ERICH5: variants seen among roughly 807,000 people sequenced by gnomAD.
The protein encoded by ERICH5 is glutamate rich 5.
A neutral mutation model predicts 28.0 loss-of-function variants in ERICH5; 24 were observed. The ratio of observed to expected loss-of-function variants is 0.86; its 90% CI spans 0.62 to 1.21. The LOEUF (loss-of-function observed/expected upper bound fraction) is 1.21. Among genes scored for constraint, ERICH5 ranks in the 50% most tolerant of loss-of-function variants. ERICH5 has a pLI of 0.00. For missense variants in ERICH5, 421 were observed against 441.2 expected (o/e 0.95, Z 0.41); for synonymous variants, 163 against 157.6 (o/e 1.03, Z -0.25).
At chr8:98,092,963 A>G (rs1815433118) in intron 2 of ERICH5, among the ~76,000 whole-genome samples, 1 of 151,774 alleles carries the variant, frequency 6.6e-6, no homozygotes, top group African/African-American at 2.4e-5. Context: ...TTTAGTAGAG[A>G]CGGGGTTTCA....
At position 98,089,978 on chromosome 8, in the gene ERICH5, G is replaced by A; in HGVS notation, c.961G>A (p.Val321Met). The A allele has an allele frequency of 6.2e-7, 1 of 1,614,070 alleles. No homozygotes were observed. The highest frequency in any genetic ancestry group is 1.3e-5 in the African/African-American group (1 of 75,066). The part of the protein sequence containing the change: ...PARNVEAGAY[V>M]EMIRNIHTNE... ...ACGAAATGTAGAGGCAGGAGCATAT[G>A]TGGAAATGATCAGGAACATCCATAC... The change falls in exon 2 of 3, where the codon GTG becomes ATG. Residue 321 changes from valine to methionine, a missense_variant. Physicochemically the swap from Val to Met is conservative, Grantham distance 21. Transcript: ENST00000318528.
chr8:98,088,938 C>T (rs1231208921), intron 1 of ERICH5, 138 bp from the exon 2 acceptor site: 3 of 647,090 alleles, frequency 4.6e-6, no homozygotes, highest in African/African-American at 1.8e-5. Flanking sequence ...ATGGTATGGC[C>T]TTTCTGTACT....
chr8:98,079,166 CTTTTTTTTTTTTTTT>C (rs528062932), intron 1 of ERICH5, among the ~76,000 whole-genome samples: 129 of 75,590 alleles, frequency 1.7e-3, no homozygotes, highest in African/African-American at 5.2e-3. Flanking sequence ...TTTTTTTTTC[CTTTTTTTTTTTTTTT>C]TTTTTTTGAG....
At chr8:98,067,552 G>C (rs1317283294) in intron 1 of ERICH5, among the ~76,000 whole-genome samples, 1 of 151,380 alleles carries the variant, frequency 6.6e-6, no homozygotes, top group African/African-American at 2.4e-5. Context: ...CCCATTAGGT[G>C]TGTGGTCACC....
intron 1 of ERICH5, among the ~76,000 whole-genome samples, chr8:98,084,700 G>C (rs1238119467): frequency 6.6e-6 from 1 of 152,102 alleles, no homozygotes; most frequent in African/African-American, 2.4e-5. Flanking sequence ...TTAAAATCCA[G>C]ATTGGATTGA....
At chr8:98,088,351 T>G (rs1311429231) in intron 1 of ERICH5, among the ~76,000 whole-genome samples, 3 of 152,210 alleles carry the variant, frequency 2.0e-5, no homozygotes, top group African/African-American at 7.2e-5. Context: ...AGAGATTCAC[T>G]GCTGTTTTAG....
intron 1 of ERICH5, among the ~76,000 whole-genome samples, chr8:98,067,843 A>G (rs1814846852): frequency 6.6e-6 from 1 of 152,026 alleles, no homozygotes; most frequent in African/African-American, 2.4e-5. Flanking sequence ...CCCTCAGGTG[A>G]TCCACCCGCC....
chr8:98,091,879 T>TCTCTTTCTTTCTTTCTTTC (rs1815398489), intron 2 of ERICH5, among the ~76,000 whole-genome samples: 1 of 94,756 alleles, frequency 1.1e-5, no homozygotes, highest in African/African-American at 4.1e-5. Flanking sequence ...TTTCTTTCTT[T>TCTCTTTCTTTCTTTCTTTC]CTTTCTTTCT....
chr8:98,091,900 C>CTTTCTTCCTTTCTTTCTTT lies in ERICH5; in HGVS notation c.1013-1321_1013-1320insTTTCTTCCTTTCTTTCTTT. ...TCTTTCTTTCTTTCTTTCTTTCTTT[C>CTTTCTTCCTTTCTTTCTTT]CTTTCTTTCTTTCTTTCTTCCTTTC... On this transcript the variant is annotated intron_variant, in intron 2 of 2. Coordinates refer to ENST00000318528, the MANE Select transcript of ERICH5 (RefSeq NM_173549.3). Among the ~76,000 whole-genome samples, 167 of 74,708 alleles carry CTTTCTTCCTTTCTTTCTTT rather than the reference C, an allele frequency of 2.2e-3. 6 individuals carry two copies. Among genetic ancestry groups the CTTTCTTCCTTTCTTTCTTT allele is most frequent in the African/African-American group, 9.1e-3 (163 of 17,842 alleles). The allele number at this position is 74,708 out of a possible 152,430, so 49.0% of individuals were successfully genotyped here. A position where few individuals can be genotyped will look rare whatever the true frequency, so the allele number is the denominator to read the frequency against.
intron 2 of ERICH5, among the ~76,000 whole-genome samples, chr8:98,091,954 T>C (rs1243180786): frequency 9.4e-5 from 8 of 85,048 alleles, no homozygotes; most frequent in African/African-American, 2.9e-4. Flanking sequence ...TCTTTCTTCT[T>C]TCTTTCTTTT....
intron 1 of ERICH5, among the ~76,000 whole-genome samples, chr8:98,087,169 T>C (rs1815297674): frequency 6.6e-6 from 1 of 152,116 alleles, no homozygotes; most frequent in Admixed American, 6.5e-5. Flanking sequence ...TCGAACCACG[T>C]GGGACCACAT....
Position 98,091,660 on chromosome 8 carries a change from G to A in ERICH5, c.1013-1561G>A, listed in dbSNP as rs112778832. Among the ~76,000 whole-genome samples, 755 of 152,292 alleles carry A rather than the reference G, an allele frequency of 5.0e-3. 1 individual carries two copies. Among genetic ancestry groups the A allele is most frequent in the Non-Finnish European group, 6.8e-3 (466 of 68,030 alleles). On this transcript the variant is annotated intron_variant, in intron 2 of 2. Transcript: ENST00000318528. ...AATGTTGCCAAAGCCAACTTCTCAG[G>A]GAAACAGGGTTTCCTGCAAGTGTGT...
At position 98,078,621 on chromosome 8, in the gene ERICH5, C is replaced by G. The variant is rs180908659; in HGVS notation, c.59-10455C>G. Among the ~76,000 whole-genome samples the G allele has an allele frequency of 1.6e-3, 240 of 152,268 alleles. 1 individual carries two copies. The highest frequency in any genetic ancestry group is 5.1e-3 in the African/African-American group (213 of 41,552). Reference sequence around the variant, plus strand: ...GGTATGTTAGCTTTAGTTCTAATCCCTTCTGTAATGTTGCCTAGTATTTAG... The same window carrying G: ...GGTATGTTAGCTTTAGTTCTAATCCGTTCTGTAATGTTGCCTAGTATTTAG... On this transcript the variant is annotated intron_variant, in intron 1 of 2. Transcript: ENST00000318528.
At chr8:98,066,196 C>T (rs1380003995) in intron 1 of ERICH5, among the ~76,000 whole-genome samples, 3 of 152,142 alleles carry the variant, frequency 2.0e-5, no homozygotes, top group South Asian at 2.1e-4. Context: ...TTCGATGTTT[C>T]GTGTTTTATG....
At chr8:98,083,923 C>T (rs1278741549) in intron 1 of ERICH5, among the ~76,000 whole-genome samples, 1 of 152,188 alleles carries the variant, frequency 6.6e-6, no homozygotes, top group African/African-American at 2.4e-5. Context: ...ACTCCCTTGC[C>T]CAGGCTGAGT....
At chr8:98,078,137 C>A (rs1815092967) in intron 1 of ERICH5, among the ~76,000 whole-genome samples, 1 of 152,164 alleles carries the variant, frequency 6.6e-6, no homozygotes, top group East Asian at 1.9e-4. Context: ...GGAATGCACA[C>A]TTGGGAATTA....
At chr8:98,073,294 G>A (rs924688884) in intron 1 of ERICH5, among the ~76,000 whole-genome samples, 3 of 149,832 alleles carry the variant, frequency 2.0e-5, no homozygotes, top group African/African-American at 7.4e-5. Flanking sequence ...TATAGTCTGG[G>A]CCAGGAACGG....
intron 1 of ERICH5, among the ~76,000 whole-genome samples, chr8:98,086,266 G>A (rs369106959): frequency 6.6e-6 from 1 of 152,126 alleles, no homozygotes; most frequent in Admixed American, 6.5e-5. Context: ...AACATGCCAA[G>A]GAAAGCTTAA....
chr8:98,093,194 T>C, intron 2 of ERICH5, 27 bp from the exon 3 acceptor site: 2 of 1,466,908 alleles, frequency 1.4e-6, no homozygotes, highest in Non-Finnish European at 1.9e-6. Context: ...AAATGTCTCT[T>C]AGTATCTCCT....
Sources: allele counts gnomAD v4.1 joint callset (sites outside exome capture counted in the v4.1 genomes callset), GRCh38; gene constraint gnomAD v4.1.1; transcripts MANE v1.5; gene names NCBI Gene and HGNC (gene_info 2026-07-23, HGNC 2026-07-21).